Variants in HEG1 observed in about 807,000 individuals in gnomAD.
The protein encoded by HEG1 is protein HEG homolog 1.
In HEG1, 56 loss-of-function variants were observed where a neutral mutation model predicts 125.6. That is an observed-to-expected ratio of 0.45 (90% confidence interval 0.36 to 0.56). The LOEUF is 0.56. Among genes scored for constraint, HEG1 ranks in the 20% least tolerant of loss-of-function variants. The pLI is 0.00. For synonymous variants in HEG1, 644 were observed against 668.5 expected (o/e 0.96, Z 0.57); for missense variants, 1,523 against 1,670.0 (o/e 0.91, Z 1.53).
chr3:125,013,616 A>G lies in HEG1; in HGVS notation c.1963T>C (p.Phe655Leu), dbSNP rs763390048. 1 of 1,607,182 alleles carries G rather than the reference A, an allele frequency of 6.2e-7. No individual in the cohort carries two copies. Among genetic ancestry groups the G allele is most frequent in the Non-Finnish European group, 8.5e-7 (1 of 1,176,550 alleles). The change falls in exon 6 of 17, where the codon TTT (phenylalanine) becomes CTT (leucine). Residue 655 changes from phenylalanine (F) to leucine (L), a missense_variant. Coordinates refer to ENST00000311127, the MANE Select transcript of HEG1 (RefSeq NM_020733.2). ...GAGGAGGAGGAGGAGTCACTAACAAACTCAGCATCAGTGTCCAGAACAACC... is the reference window on the plus strand; with the variant it reads ...GAGGAGGAGGAGGAGTCACTAACAAGCTCAGCATCAGTGTCCAGAACAACC... Reference protein sequence around the residue: ...TSVVLDTDAEFVSDSSSSSSS... With the variant: ...TSVVLDTDAELVSDSSSSSSS...
At chr3:124,981,563 A>G (rs1020961756) in intron 14 of HEG1, among the ~76,000 whole-genome samples, 3 of 152,194 alleles carry the variant, frequency 2.0e-5, no homozygotes, top group Admixed American at 2.0e-4. Flanking sequence ...TGGTTCAGTC[A>G]TACTGGGCAG....
intron 14 of HEG1, among the ~76,000 whole-genome samples, 188 bp from the exon 15 acceptor site, chr3:124,978,134 G>GT (rs1376314284): frequency 6.6e-6 from 1 of 152,088 alleles, no homozygotes; most frequent in Non-Finnish European, 1.5e-5. Flanking sequence ...ATTGAGAAGA[G>GT]TTTTTTGTTG....
At chr3:124,987,817 G>A (rs1480306814) in intron 14 of HEG1, among the ~76,000 whole-genome samples, 3 of 150,992 alleles carry the variant, frequency 2.0e-5, no homozygotes, top group Non-Finnish European at 4.4e-5. Context: ...ACAGCGCCCG[G>A]CCAAGCCTCT....
intron 14 of HEG1, among the ~76,000 whole-genome samples, chr3:124,986,921 T>C (rs937087900): frequency 1.3e-5 from 2 of 152,130 alleles, no homozygotes; most frequent in East Asian, 3.8e-4. Context: ...GAGAAAAAAA[T>C]TACCAGTGCC....
intron 1 of HEG1, among the ~76,000 whole-genome samples, chr3:125,044,941 G>A (rs1030837292): frequency 2.0e-5 from 3 of 152,156 alleles, no homozygotes; most frequent in East Asian, 1.9e-4. Flanking sequence ...GCTCTGATAC[G>A]ATTTAGAAGA....
intron 14 of HEG1, among the ~76,000 whole-genome samples, chr3:124,978,196 G>A (rs1936580671): frequency 6.6e-6 from 1 of 152,196 alleles, no homozygotes; most frequent in South Asian, 2.1e-4. Flanking sequence ...CGCCCAGGCT[G>A]GAGTGCAGTG....
At chr3:124,972,546 C>G (rs1052001722) in intron 16 of HEG1, among the ~76,000 whole-genome samples, 5 of 152,312 alleles carry the variant, frequency 3.3e-5, no homozygotes, top group African/African-American at 1.2e-4. Flanking sequence ...CCAAAGTCTG[C>G]ATCCCCATGG....
At chr3:125,008,635 T>A (rs993497287) in intron 8 of HEG1, among the ~76,000 whole-genome samples, 1 of 152,054 alleles carries the variant, frequency 6.6e-6, no homozygotes, top group African/African-American at 2.4e-5. Flanking sequence ...CCTTCTATAC[T>A]AAAAATACAA....
At position 125,055,823 on chromosome 3, in the gene HEG1, A is replaced by G. The variant is rs1937928116; in HGVS notation, c.68T>C (p.Leu23Pro). 3.1e-6 allele frequency: 3 copies of G among 981,308 alleles called. No homozygotes were observed. The African/African-American group carries it at 5.3e-5, about 17-fold the overall frequency. 60.8% of individuals were successfully genotyped at this position (981,308 alleles called of 1,614,324 possible). ...LLLLLLPLLLLPPAAPGTRDP... is the reference protein window; with the variant it reads ...LLLLLLPLLLPPPAAPGTRDP... ...CCGCGTCCCGGGGGCCGCCGGCGGC[A>G]GCAGCAGCAGCGGCAGCAACAGCAG... The change falls in exon 1 of 17, where the codon CTG becomes CCG. Residue 23 changes from leucine (L) to proline (P), a missense_variant. Leu to Pro is a moderately conservative substitution (Grantham distance 98). Coordinates refer to ENST00000311127, the MANE Select transcript of HEG1 (RefSeq NM_020733.2).
chr3:125,009,692 C>G lies in HEG1; in HGVS notation c.3193+13G>C. 6.2e-7 allele frequency: 1 copy of G among 1,608,282 alleles called. No individual in the cohort carries two copies. The highest frequency in any genetic ancestry group is 8.5e-7 in the Non-Finnish European group (1 of 1,176,402). ...GGTACGGAATAAAGTCCGAAATAGA[C>G]TAAGTCTCTTACCCAAATTGCATAT... On this transcript the variant is annotated intron_variant, in intron 8 of 16. Transcript: ENST00000311127.
chr3:125,034,167 T>C (rs1937532305), intron 1 of HEG1, among the ~76,000 whole-genome samples: 1 of 40,106 alleles, frequency 2.5e-5, no homozygotes, highest in Admixed American at 2.4e-4. Context: ...GATAAACATA[T>C]CTTCAAACCA....
chr3:124,991,430 C>G (rs1350178154), intron 12 of HEG1, among the ~76,000 whole-genome samples: 1 of 152,120 alleles, frequency 6.6e-6, no homozygotes, highest in Admixed American at 6.5e-5. Flanking sequence ...GGATTACAGG[C>G]ATGATTCGCC....
intron 14 of HEG1, among the ~76,000 whole-genome samples, chr3:124,987,601 C>A (rs1032628620): frequency 7.0e-6 from 1 of 143,778 alleles, no homozygotes; most frequent in Non-Finnish European, 1.5e-5. Flanking sequence ...CGGCTCACTG[C>A]AAGCTCCGCC....
chr3:125,027,870 G>C (rs965999482), intron 2 of HEG1, among the ~76,000 whole-genome samples: 1 of 152,152 alleles, frequency 6.6e-6, no homozygotes, highest in Non-Finnish European at 1.5e-5. Context: ...CTAATATCTG[G>C]GTGACCAAGA....
chr3:125,025,754 C>T (rs1341071896), intron 3 of HEG1, among the ~76,000 whole-genome samples: 1 of 152,202 alleles, frequency 6.6e-6, no homozygotes, highest in African/African-American at 2.4e-5. Context: ...AGTTGTAAAT[C>T]ACTGAACCAC....
Position 125,013,634 on chromosome 3 carries a change from G to A in HEG1, c.1945C>T (p.Leu649=), listed in dbSNP as rs200761484. ...TINMPNTSVV[L]DTDAEFVSDS... ...CTAACAAACTCAGCATCAGTGTCCA[G>A]AACAACCGAAGTGTTCGGCATATTA... The change falls in exon 6 of 17, where the codon CTG becomes TTG. Residue 649 remains leucine (L), a synonymous_variant. Coordinates refer to ENST00000311127, the MANE Select transcript of HEG1 (RefSeq NM_020733.2). 1 of 1,603,828 alleles carries A rather than the reference G, an allele frequency of 6.2e-7. No homozygotes were observed. The highest frequency in any genetic ancestry group is 2.3e-5 in the East Asian group (1 of 44,068).
chr3:124,970,561 A>T lies in HEG1; in HGVS notation c.*91T>A. ...TGCTTGCCACTCAGCGTGGCTCCCG[A>T]CAAATCCTGGGCGCAGCCTCCTGGT... On this transcript the variant is annotated 3_prime_UTR_variant, in exon 17 of 17. Transcript: ENST00000311127. The T allele has an allele frequency of 8.0e-7, 1 of 1,255,082 alleles. No homozygotes were observed. The allele number at this position is 1,255,082 out of a possible 1,614,324, so 77.7% of individuals were successfully genotyped here.
intron 9 of HEG1, 21 bp from the exon 10 acceptor site, chr3:125,002,336 G>A (rs1306425934): frequency 6.2e-7 from 1 of 1,603,524 alleles, no homozygotes; most frequent in Non-Finnish European, 8.5e-7. Flanking sequence ...GAACAAGCCT[G>A]TCGTTAACAG....
chr3:125,025,395 G>A (rs769462998), intron 3 of HEG1, among the ~76,000 whole-genome samples: 3 of 152,100 alleles, frequency 2.0e-5, no homozygotes, highest in Non-Finnish European at 4.4e-5. Flanking sequence ...ACTCTACCTC[G>A]AACTGAACAC....
Sources: gnomAD v4.1 joint callset for allele counts (sites outside exome capture counted in the v4.1 genomes callset) on GRCh38, gnomAD v4.1.1 for gene constraint, MANE v1.5 for transcripts, NCBI Gene and HGNC (gene_info 2026-07-23, HGNC 2026-07-21) for gene names.